Variants in RBFOX1 observed in about 807,000 individuals in gnomAD.
The protein encoded by RBFOX1 is RNA binding protein fox-1 homolog 1.
RBFOX1 carries 8 observed loss-of-function variants against 57.7 expected under a neutral mutation model. The observed-to-expected ratio is 0.14, with a 90% CI of 0.08 to 0.25. The LOEUF is 0.25. RBFOX1 is among the 10% of genes least tolerant of loss of function. The pLI is 1.00. For synonymous variants in RBFOX1, 326 were observed against 222.4 expected (o/e 1.47, Z -4.15); for missense variants, 611 against 548.5 (o/e 1.11, Z -1.14).
chr16:6,614,063 T>C (rs2098109984), intron 2 of RBFOX1, among the ~76,000 whole-genome samples: 1 of 152,246 alleles, frequency 6.6e-6, no homozygotes, highest in Admixed American at 6.5e-5. Flanking sequence ...CCTTTCTACA[T>C]TGTAAGTTGC....
chr16:6,481,084 TC>T, intron 2 of RBFOX1, among the ~76,000 whole-genome samples: 1 of 152,322 alleles, frequency 6.6e-6, no homozygotes. Flanking sequence ...ATGCACATTT[TC>T]CATTTTAATA....
At chr16:6,888,925 A>G (rs1201873785) in intron 3 of RBFOX1, among the ~76,000 whole-genome samples, 2 of 152,212 alleles carry the variant, frequency 1.3e-5, no homozygotes, top group East Asian at 1.9e-4. Flanking sequence ...TGCCAAGCAG[A>G]TAGAAACCTT....
At chr16:6,074,527 C>G (rs550605008) in intron 1 of RBFOX1, among the ~76,000 whole-genome samples, 1 of 152,140 alleles carries the variant, frequency 6.6e-6, no homozygotes, top group African/African-American at 2.4e-5. Flanking sequence ...ATCTATGATG[C>G]TTGTTAAAGA....
intron 4 of RBFOX1, among the ~76,000 whole-genome samples, chr16:7,428,760 C>G (rs1178659442): frequency 6.6e-6 from 1 of 151,848 alleles, no homozygotes; most frequent in Non-Finnish European, 1.5e-5. Context: ...GTGGATTTTT[C>G]TTTCTTTCTC....
At chr16:6,184,713 C>G (rs1319332393) in intron 1 of RBFOX1, among the ~76,000 whole-genome samples, 1 of 146,460 alleles carries the variant, frequency 6.8e-6, no homozygotes, top group Non-Finnish European at 1.5e-5. Flanking sequence ...GTGGCTGCCA[C>G]CATGCCTGGC....
chr16:6,795,681 G>A (rs567065241), intron 3 of RBFOX1, among the ~76,000 whole-genome samples: 26 of 151,674 alleles, frequency 1.7e-4, no homozygotes, highest in Admixed American at 9.9e-4. Flanking sequence ...CAGGAGAATC[G>A]CTTGAAACCA....
chr16:6,683,781 C>A (rs1010919650), intron 3 of RBFOX1, among the ~76,000 whole-genome samples: 3 of 152,132 alleles, frequency 2.0e-5, no homozygotes, highest in African/African-American at 4.8e-5. Context: ...GTCAGACATA[C>A]CTGGATTGCA....
In RBFOX1 at chr16:6,809,412, A is replaced by C. The variant is rs114361845; in HGVS notation, c.-16+154762A>C. ...GTGCATTTTTAAAGAATTATTTTTTAAAATTTTTGTGGATATACACATAGA... is the reference window on the plus strand; with the variant it reads ...GTGCATTTTTAAAGAATTATTTTTTCAAATTTTTGTGGATATACACATAGA... On this transcript the variant is annotated intron_variant, in intron 3 of 15. Transcript: ENST00000550418. 4.6e-3 allele frequency among the ~76,000 whole-genome samples: 697 copies of C among 152,308 alleles called. 5 individuals carry two copies. Among genetic ancestry groups the C allele is most frequent in the African/African-American group, 0.016 (680 of 41,578 alleles).
chr16:6,880,997 C>T (rs2062822609), intron 3 of RBFOX1, among the ~76,000 whole-genome samples: 1 of 152,134 alleles, frequency 6.6e-6, no homozygotes, highest in African/African-American at 2.4e-5. Flanking sequence ...AGAGCCTAGG[C>T]AGGGCTGAAA....
chr16:7,092,814 C>T (rs1016154524), intron 4 of RBFOX1, among the ~76,000 whole-genome samples: 3 of 152,152 alleles, frequency 2.0e-5, no homozygotes, highest in Non-Finnish European at 4.4e-5. Context: ...ATTATTTTTT[C>T]TTCAAGTATT....
At chr16:6,380,428 TTTTTTTTTTTTTTTTTTTA>T (rs2091687619) in intron 2 of RBFOX1, among the ~76,000 whole-genome samples, 4 of 85,826 alleles carry the variant, frequency 4.7e-5, no homozygotes, top group African/African-American at 1.7e-4. Flanking sequence ...TTTTTTTTTT[TTTTTTTTTTTTTTTTTTTA>T]GTAGAACTCA....
At chr16:6,729,465 C>T (rs543322390) in intron 3 of RBFOX1, among the ~76,000 whole-genome samples, 2 of 152,130 alleles carry the variant, frequency 1.3e-5, no homozygotes, top group Non-Finnish European at 2.9e-5. Context: ...ATTGTAGGAG[C>T]CTTCCCAGCA....
chr16:7,627,618 C>T (rs1321795527), intron 10 of RBFOX1, among the ~76,000 whole-genome samples: 1 of 152,124 alleles, frequency 6.6e-6, no homozygotes, highest in Admixed American at 6.5e-5. Context: ...TTTGAATGAC[C>T]TTGTAGGCCC....
At chr16:6,970,155 G>A (rs1301501357) in intron 3 of RBFOX1, among the ~76,000 whole-genome samples, 3 of 151,650 alleles carry the variant, frequency 2.0e-5, no homozygotes, top group Admixed American at 2.0e-4. Flanking sequence ...TCCAGCCTGG[G>A]CAACAGAACA....
chr16:5,371,407 G>A (rs987784276), intron 1 of RBFOX1, among the ~76,000 whole-genome samples: 1 of 152,216 alleles, frequency 6.6e-6, no homozygotes, highest in Non-Finnish European at 1.5e-5. Flanking sequence ...GAGAAGAGAG[G>A]CACCTGCAAG....
At chr16:7,209,872 A>G (rs140275738) in intron 4 of RBFOX1, among the ~76,000 whole-genome samples, 3 of 152,162 alleles carry the variant, frequency 2.0e-5, no homozygotes, top group African/African-American at 7.2e-5. Context: ...ACACACTCTC[A>G]AGGTCTTGAA....
intron 1 of RBFOX1, among the ~76,000 whole-genome samples, chr16:6,027,170 C>T (rs898386381): frequency 1.3e-5 from 2 of 152,242 alleles, no homozygotes; most frequent in Admixed American, 1.3e-4. Flanking sequence ...ATGGTTGGGA[C>T]CCTAATAGCT....
chr16:6,422,224 C>T (rs377647117), intron 2 of RBFOX1, among the ~76,000 whole-genome samples: 1 of 150,040 alleles, frequency 6.7e-6, no homozygotes, highest in East Asian at 2.0e-4. Flanking sequence ...GCCCGACCAC[C>T]TCTCCTTTTT....
At chr16:5,842,918 A>C (rs1424519726) in intron 3 of RBFOX1, among the ~76,000 whole-genome samples, 1 of 152,046 alleles carries the variant, frequency 6.6e-6, no homozygotes, top group East Asian at 1.9e-4. Flanking sequence ...TCTTGGATTC[A>C]AGTGATTGTC....
Sources: allele counts gnomAD v4.1 joint callset (sites outside exome capture counted in the v4.1 genomes callset), GRCh38; gene constraint gnomAD v4.1.1; transcripts MANE v1.5; gene names NCBI Gene and HGNC (gene_info 2026-07-23, HGNC 2026-07-21).